Variants in CCDC178 observed in about 807,000 individuals in gnomAD.
The protein encoded by CCDC178 is coiled-coil domain-containing protein 178.
In CCDC178, 126 loss-of-function variants were observed where a neutral mutation model predicts 117.4. That is an observed-to-expected ratio of 1.07 (90% CI 0.93 to 1.24). The LOEUF (loss-of-function observed/expected upper bound fraction) is 1.24. Ranked by LOEUF, CCDC178 falls within the 50% of genes most tolerant of loss-of-function variation. The probability of loss-of-function intolerance (pLI) is 0.00; values close to 1 mark genes in which losing one functional copy is unlikely to be tolerated. For synonymous variants in CCDC178, 283 were observed against 313.4 expected, an observed-to-expected ratio of 0.90 and a Z score of 1.02; for missense variants, 1,030 against 986.9, an observed-to-expected ratio of 1.04 and a Z score of -0.59.
chr18:33,133,075 A>G (rs887717362), intron 20 of CCDC178, among the ~76,000 whole-genome samples: 2 of 151,818 alleles, frequency 1.3e-5, no homozygotes, highest in African/African-American at 2.4e-5. Flanking sequence ...AGTAACTCCA[A>G]TTAACTCTAA....
At chr18:33,136,501 GC>G (rs1247126941) in intron 20 of CCDC178, among the ~76,000 whole-genome samples, 1 of 152,138 alleles carries the variant, frequency 6.6e-6, no homozygotes, top group Non-Finnish European at 1.5e-5. Context: ...TAAGTACAAA[GC>G]TTTTGGGAAC....
intron 5 of CCDC178, 92 bp from the exon 6 acceptor site, chr18:33,370,281 T>G: frequency 1.4e-6 from 1 of 739,866 alleles, no homozygotes; most frequent in South Asian, 2.4e-5. Flanking sequence ...GCTTTATTAG[T>G]GCTAATACTC....
intron 11 of CCDC178, among the ~76,000 whole-genome samples, chr18:33,312,960 G>C (rs1367358968): frequency 6.6e-6 from 1 of 152,182 alleles, no homozygotes; most frequent in African/African-American, 2.4e-5. Context: ...AAATGGGGAA[G>C]CCTAATGGTT....
At chr18:33,030,716 G>A (rs2056324434) in intron 21 of CCDC178, among the ~76,000 whole-genome samples, 1 of 151,782 alleles carries the variant, frequency 6.6e-6, no homozygotes, top group Non-Finnish European at 1.5e-5. Flanking sequence ...AATTTAATGG[G>A]GAATTGTCTC....
intron 20 of CCDC178, among the ~76,000 whole-genome samples, chr18:33,186,272 G>A (rs553742042): frequency 6.0e-4 from 91 of 152,070 alleles, no homozygotes; most frequent in African/African-American, 2.1e-3. Flanking sequence ...TGCCTTACAT[G>A]AGTAAAAGAG....
Position 33,058,711 on chromosome 18 carries a change from T to C in CCDC178, c.2388+34050A>G, listed in dbSNP as rs145427012. 1.3e-4 allele frequency among the ~76,000 whole-genome samples: 20 copies of C among 152,322 alleles called. No individual in the cohort carries two copies. In the East Asian group the frequency reaches 3.1e-3, roughly 24 times the overall value. On this transcript the variant is annotated intron_variant, in intron 21 of 22. Transcript: ENST00000383096. ...ATGGGTTTTGTGAAAGGTGAATTGA[T>C]GGTTTACGTACAAATTCTTTCATAT...
chr18:33,407,784 T>G (rs2063800495), intron 3 of CCDC178, among the ~76,000 whole-genome samples: 1 of 151,924 alleles, frequency 6.6e-6, no homozygotes, highest in Non-Finnish European at 1.5e-5. Flanking sequence ...CCAATAAATA[T>G]TTTGTATCAA....
Position 33,394,935 on chromosome 18 carries a change from A to ATGTATG in CCDC178, c.118+2208_118+2213dup, listed in dbSNP as rs1298580405. Among the ~76,000 whole-genome samples the ATGTATG allele has an allele frequency of 1.1e-3, 109 of 101,434 alleles. 1 individual carries two copies. Among genetic ancestry groups the ATGTATG allele is most frequent in the Non-Finnish European group, 2.0e-3 (96 of 48,538 alleles). The allele number at this position is 101,434 out of a possible 152,430, so 66.5% of individuals were successfully genotyped here. On this transcript the variant is annotated intron_variant, in intron 4 of 22. Coordinates refer to ENST00000383096, the MANE Select transcript of CCDC178 (RefSeq NM_001105528.4). ...TGAAAATAACTTTAAAAGCCTGTAT[A>ATGTATG]TGTATGTGTATATATATATATATAT...
chr18:33,016,033 A>G (rs2055981187), intron 21 of CCDC178, among the ~76,000 whole-genome samples: 1 of 152,196 alleles, frequency 6.6e-6, no homozygotes, highest in East Asian at 1.9e-4. Context: ...GAGGAAAAAC[A>G]TTAATCTACA....
At chr18:33,352,324 G>A (rs1381495480) in intron 7 of CCDC178, among the ~76,000 whole-genome samples, 2 of 151,736 alleles carry the variant, frequency 1.3e-5, no homozygotes, top group Non-Finnish European at 2.9e-5. Flanking sequence ...TTTATTTTTG[G>A]TTAGTTTAGC....
At chr18:33,332,838 T>G (rs574588618) in intron 10 of CCDC178, among the ~76,000 whole-genome samples, 36 of 152,224 alleles carry the variant, frequency 2.4e-4, no homozygotes, top group African/African-American at 8.4e-4. Context: ...CATCTCTAGC[T>G]CCTGGGCTTA....
chr18:33,046,354 T>C (rs934247371), intron 21 of CCDC178, among the ~76,000 whole-genome samples: 13 of 152,142 alleles, frequency 8.5e-5, no homozygotes, highest in African/African-American at 3.1e-4. Context: ...AACATAAATC[T>C]GATCACCCAC....
intron 20 of CCDC178, among the ~76,000 whole-genome samples, chr18:33,146,478 G>C (rs970167678): frequency 1.3e-5 from 2 of 152,198 alleles, no homozygotes; most frequent in Admixed American, 1.3e-4. Flanking sequence ...AACATGGGCA[G>C]ACCTTGTTTC....
intron 20 of CCDC178, among the ~76,000 whole-genome samples, chr18:33,204,835 C>T (rs192251262): frequency 6.6e-6 from 1 of 151,976 alleles, no homozygotes; most frequent in Admixed American, 6.6e-5. Flanking sequence ...AAATTAAATG[C>T]AAAAGACTAA....
At chr18:33,410,629 A>G (rs575942879) in intron 3 of CCDC178, among the ~76,000 whole-genome samples, 54 of 152,308 alleles carry the variant, frequency 3.5e-4, no homozygotes, top group African/African-American at 1.3e-3. Flanking sequence ...GCTTTCAATT[A>G]TAACCCTGAA....
At chr18:33,020,745 G>T (rs187632156) in intron 21 of CCDC178, among the ~76,000 whole-genome samples, 447 of 152,210 alleles carry the variant, frequency 2.9e-3, no homozygotes, top group Middle Eastern at 6.8e-3. Flanking sequence ...CTGCCCACAG[G>T]TGGCCTATGA....
chr18:33,071,358 T>C (rs1001026762), intron 21 of CCDC178, among the ~76,000 whole-genome samples: 13 of 152,144 alleles, frequency 8.5e-5, no homozygotes, highest in African/African-American at 3.1e-4. Flanking sequence ...AAGGTATTTT[T>C]TAAATGAAAA....
chr18:33,381,178 A>G (rs2063434785), intron 5 of CCDC178, among the ~76,000 whole-genome samples: 1 of 152,170 alleles, frequency 6.6e-6, no homozygotes, highest in South Asian at 2.1e-4. Context: ...CATTGATCTT[A>G]ATTAGATCAG....
intron 12 of CCDC178, among the ~76,000 whole-genome samples, chr18:33,291,645 A>T (rs980539042): frequency 6.6e-6 from 1 of 152,224 alleles, no homozygotes; most frequent in African/African-American, 2.4e-5. Flanking sequence ...AGTGAATGAG[A>T]TATGGCAGAA....
Sources: gnomAD v4.1 joint callset for allele counts (sites outside exome capture counted in the v4.1 genomes callset) on GRCh38, gnomAD v4.1.1 for gene constraint, MANE v1.5 for transcripts, NCBI Gene and HGNC (gene_info 2026-07-23, HGNC 2026-07-21) for gene names.